Variants in ENTREP2 observed in about 807,000 individuals in gnomAD.
ENTREP2 encodes protein ENTREP2.
At chr15:29,587,511 T>C in the ENTREP2 span, among the ~76,000 whole-genome samples, 1 of 152,192 alleles carries the variant, frequency 6.6e-6, no homozygotes, top group Non-Finnish European at 1.5e-5. Flanking sequence ...CAGAAGTTTA[T>C]AATCATATGT....
chr15:29,196,409 A>G, the ENTREP2 span: 1 of 1,548,386 alleles, frequency 6.5e-7, no homozygotes, highest in Non-Finnish European at 8.7e-7. Flanking sequence ...TGCATGCACA[A>G]GCAGCGCCCA....
the ENTREP2 span, among the ~76,000 whole-genome samples, chr15:29,653,675 C>A: frequency 6.6e-6 from 1 of 152,224 alleles, no homozygotes; most frequent in African/African-American, 2.4e-5. Context: ...TGAGGCCTCC[C>A]CAGCCATGCT....
chr15:29,123,432 C>T, the ENTREP2 span: 2 of 1,551,660 alleles, frequency 1.3e-6, no homozygotes, highest in Non-Finnish European at 1.7e-6. Flanking sequence ...CCACCATGTG[C>T]TGTGCCTCGG....
chr15:29,308,279 G>C, the ENTREP2 span, among the ~76,000 whole-genome samples: 1 of 152,210 alleles, frequency 6.6e-6, no homozygotes, highest in African/African-American at 2.4e-5. Context: ...AGCAGGCTGA[G>C]GCAGGAGAAT....
chr15:29,259,594 A>C, the ENTREP2 span, among the ~76,000 whole-genome samples: 1 of 152,120 alleles, frequency 6.6e-6, no homozygotes, highest in Non-Finnish European at 1.5e-5. Flanking sequence ...CCTACTTTCC[A>C]CTTTTGGTAA....
chr15:29,225,145 C>G, the ENTREP2 span, among the ~76,000 whole-genome samples: 1 of 152,198 alleles, frequency 6.6e-6, no homozygotes, highest in Non-Finnish European at 1.5e-5. Flanking sequence ...CACCTCCCTG[C>G]AAGCTAAGGG....
chr15:29,425,186 G>A, the ENTREP2 span, among the ~76,000 whole-genome samples: 16 of 134,896 alleles, frequency 1.2e-4, no homozygotes, highest in South Asian at 6.2e-4. Context: ...CCACCACCAC[G>A]TCCAGGTTTT....
At chr15:29,665,852 CTTTT>C in the ENTREP2 span, among the ~76,000 whole-genome samples, 3 of 131,082 alleles carry the variant, frequency 2.3e-5, no homozygotes, top group Non-Finnish European at 3.2e-5. Context: ...TTTACATCAT[CTTTT>C]TTTTTTTTTT....
the ENTREP2 span, among the ~76,000 whole-genome samples, chr15:29,220,493 C>G: frequency 0.34 from 51,557 of 152,078 alleles, 10,063 homozygotes; most frequent in East Asian, 0.6. Flanking sequence ...TAGAACACAG[C>G]CACGTGGCAC....
the ENTREP2 span, among the ~76,000 whole-genome samples, chr15:29,135,907 G>A: frequency 5.3e-5 from 8 of 151,982 alleles, no homozygotes; most frequent in South Asian, 2.1e-4. This position sits in a 1 kb window ranked among gnomAD's most constrained non-coding sequence, Gnocchi z 7.4. Flanking sequence ...GGCGCCCTGG[G>A]TACTCGGTCC....
chr15:29,251,332 CA>C, the ENTREP2 span, among the ~76,000 whole-genome samples: 3 of 152,174 alleles, frequency 2.0e-5, no homozygotes, highest in Admixed American at 1.3e-4. Context: ...AAACACACTG[CA>C]ATTTCTGTCA....
At chr15:29,508,070 A>G in the ENTREP2 span, among the ~76,000 whole-genome samples, 9 of 152,212 alleles carry the variant, frequency 5.9e-5, no homozygotes, top group African/African-American at 2.2e-4. Flanking sequence ...AGGGGAGATT[A>G]CCACTGACCC....
the ENTREP2 span, chr15:29,269,947 T>G: frequency 4.2e-6 from 2 of 470,734 alleles, no homozygotes; most frequent in Non-Finnish European, 7.4e-6. Context: ...GCGATGATTT[T>G]TAGTATAGTG....
chr15:29,376,549 T>TAAAC, the ENTREP2 span: 6 of 112,408 alleles, frequency 5.3e-5, no homozygotes, highest in Middle Eastern at 3.9e-3. Flanking sequence ...AACACTATGG[T>TAAAC]AAACACACAC....
chr15:29,504,600 C>T, the ENTREP2 span, among the ~76,000 whole-genome samples: 2 of 152,286 alleles, frequency 1.3e-5, no homozygotes, highest in South Asian at 2.1e-4. Flanking sequence ...CAAGTTTAGG[C>T]ATCCATGAAT....
At chr15:29,340,471 G>A in the ENTREP2 span, among the ~76,000 whole-genome samples, 1 of 152,134 alleles carries the variant, frequency 6.6e-6, no homozygotes, top group African/African-American at 2.4e-5. Context: ...GGCCAGTGCA[G>A]GGGAGGGGAC....
the ENTREP2 span, among the ~76,000 whole-genome samples, chr15:29,599,737 A>G: frequency 1.3e-5 from 2 of 152,232 alleles, no homozygotes; most frequent in African/African-American, 2.4e-5. Context: ...TTTACCCTGC[A>G]AGATGATATA....
the ENTREP2 span, among the ~76,000 whole-genome samples, chr15:29,249,861 G>A: frequency 2.6e-5 from 4 of 152,134 alleles, no homozygotes; most frequent in African/African-American, 9.7e-5. Context: ...ATGGTGGAAA[G>A]TGAAGGGGGA....
At chr15:29,522,030 A>G in the ENTREP2 span, among the ~76,000 whole-genome samples, 2 of 152,224 alleles carry the variant, frequency 1.3e-5, no homozygotes, top group African/African-American at 2.4e-5. Context: ...CGAGGAAAGG[A>G]TAGTCTTTTC....
Sources: gnomAD v4.1 joint callset for allele counts (sites outside exome capture counted in the v4.1 genomes callset) on GRCh38, gnomAD v4.1.1 for gene constraint, Gnocchi (gnomAD v3.1) non-coding constraint, MANE v1.5 for transcripts, NCBI Gene and HGNC (gene_info 2026-07-23, HGNC 2026-07-21) for gene names.